ZCCHC7: variants seen among roughly 807,000 people sequenced by gnomAD.
ZCCHC7 encodes zinc finger CCHC-type containing 7.
ZCCHC7 carries 35 observed loss-of-function variants against 52.0 expected under a neutral mutation model. The observed-to-expected ratio is 0.67, with a 90% CI of 0.51 to 0.89. The LOEUF (loss-of-function observed/expected upper bound fraction) is 0.89, where lower values mean the gene tolerates loss of function less well. ZCCHC7 is among the 40% of genes least tolerant of loss of function. The probability of loss-of-function intolerance (pLI) is 0.00; values close to 1 mark genes in which losing one functional copy is unlikely to be tolerated. For synonymous variants in ZCCHC7, 217 were observed against 221.5 expected (o/e 0.98, Z 0.18); for missense variants, 574 against 649.1 (o/e 0.88, Z 1.26).
intron 2 of ZCCHC7, among the ~76,000 whole-genome samples, chr9:37,294,487 T>C (rs1828688409): frequency 6.6e-6 from 1 of 152,210 alleles, no homozygotes; most frequent in African/African-American, 2.4e-5. Context: ...GTGGATTCTG[T>C]TTCTACCACA....
At position 37,171,786 on chromosome 9, in the gene ZCCHC7, C is replaced by T. The variant is rs1276242217; in HGVS notation, c.610+44844C>T. 2.1e-4 allele frequency among the ~76,000 whole-genome samples: 32 copies of T among 152,136 alleles called. 1 individual carries two copies. The highest frequency in any genetic ancestry group is 2.1e-3 in the Admixed American group (32 of 15,268). ...GACCTTGAGTTCTACAAACTAGTTA[C>T]TAATAAAATTCCAAGACCTTAGCTT... On this transcript the variant is annotated intron_variant, in intron 2 of 8. Transcript: ENST00000336755.
chr9:37,342,401 G>A (rs565681610), intron 6 of ZCCHC7, among the ~76,000 whole-genome samples: 1 of 152,356 alleles, frequency 6.6e-6, no homozygotes, highest in East Asian at 1.9e-4. Context: ...AGATACGTGA[G>A]TGTAGAGTTA....
intron 2 of ZCCHC7, among the ~76,000 whole-genome samples, chr9:37,285,375 A>G (rs1828157844): frequency 6.6e-6 from 1 of 152,040 alleles, no homozygotes; most frequent in Non-Finnish European, 1.5e-5. Context: ...TTATCTTGAG[A>G]TGGTATTTTC....
intron 2 of ZCCHC7, among the ~76,000 whole-genome samples, chr9:37,255,405 A>T (rs1207798222): frequency 6.6e-6 from 1 of 152,134 alleles, no homozygotes; most frequent in Non-Finnish European, 1.5e-5. Flanking sequence ...ACAGGTAGAT[A>T]AGGTATATAG....
At chr9:37,179,085 A>G (rs1475817826) in intron 2 of ZCCHC7, among the ~76,000 whole-genome samples, 2 of 152,214 alleles carry the variant, frequency 1.3e-5, no homozygotes, top group Non-Finnish European at 2.9e-5. Flanking sequence ...GATCTTCAAA[A>G]TAACCAGGCA....
intron 6 of ZCCHC7, among the ~76,000 whole-genome samples, chr9:37,332,594 C>T (rs1027211035): frequency 6.6e-6 from 1 of 151,070 alleles, no homozygotes; most frequent in Non-Finnish European, 1.5e-5. Flanking sequence ...ATGATAATTA[C>T]TACATTTACA....
intron 2 of ZCCHC7, among the ~76,000 whole-genome samples, chr9:37,226,801 C>T (rs1001633860): frequency 6.6e-6 from 1 of 152,024 alleles, no homozygotes; most frequent in Non-Finnish European, 1.5e-5. Flanking sequence ...GACACCGAGG[C>T]GGGTGGATCA....
At chr9:37,350,676 G>T (rs1391920356) in intron 7 of ZCCHC7, among the ~76,000 whole-genome samples, 1 of 152,224 alleles carries the variant, frequency 6.6e-6, no homozygotes, top group Non-Finnish European at 1.5e-5. Flanking sequence ...GAAGCTTCTT[G>T]CTGAGAGCTG....
At position 37,171,659 on chromosome 9, in the gene ZCCHC7, A is replaced by G. The variant is rs188306209; in HGVS notation, c.610+44717A>G. Among the ~76,000 whole-genome samples, 311 of 151,994 alleles carry G rather than the reference A, an allele frequency of 2.0e-3. 1 individual carries two copies. The highest frequency in any genetic ancestry group is 6.9e-3 in the African/African-American group (286 of 41,460). On this transcript the variant is annotated intron_variant, in intron 2 of 8. Transcript: ENST00000336755. ...GGTCTCTAACTCCTAGGCTCAGGCA[A>G]TCCTCCCTCAGCCTCCCATATTTGA...
At chr9:37,189,401 G>T (rs571108781) in intron 2 of ZCCHC7, among the ~76,000 whole-genome samples, 2 of 151,850 alleles carry the variant, frequency 1.3e-5, no homozygotes, top group African/African-American at 4.8e-5. Flanking sequence ...CTTTTCCCCC[G>T]CTGAGACTGA....
At chr9:37,130,364 T>TTA (rs1554698142) in intron 2 of ZCCHC7, among the ~76,000 whole-genome samples, 6 of 131,736 alleles carry the variant, frequency 4.6e-5, no homozygotes, top group Admixed American at 1.6e-4. Flanking sequence ...TTTTTTTTTT[T>TTA]ATAGCAGTGG....
At chr9:37,352,615 T>A (rs1365476064) in intron 7 of ZCCHC7, among the ~76,000 whole-genome samples, 1 of 146,690 alleles carries the variant, frequency 6.8e-6, no homozygotes, top group Non-Finnish European at 1.5e-5. Flanking sequence ...ACCTCCTAGG[T>A]TCAAGCTATT....
chr9:37,295,622 C>T (rs1386905541), intron 2 of ZCCHC7, among the ~76,000 whole-genome samples: 2 of 152,024 alleles, frequency 1.3e-5, no homozygotes, highest in African/African-American at 2.4e-5. Flanking sequence ...TGAGAGAGAA[C>T]CTGAGTTGAG....
At chr9:37,212,840 C>T (rs1030504842) in intron 2 of ZCCHC7, among the ~76,000 whole-genome samples, 1 of 152,138 alleles carries the variant, frequency 6.6e-6, no homozygotes, top group African/African-American at 2.4e-5. Context: ...TATCTTTCTC[C>T]ATGCTTGTCC....
At chr9:37,143,973 T>C (rs1843334263) in intron 2 of ZCCHC7, among the ~76,000 whole-genome samples, 1 of 151,878 alleles carries the variant, frequency 6.6e-6, no homozygotes, top group Non-Finnish European at 1.5e-5. Flanking sequence ...ATCCTTGGTG[T>C]GTAATAATTT....
rs1490718963 is a variant in ZCCHC7, at chr9:37,202,472, A to G, written c.610+75530A>G. ...TTACTTTTAACCTTAAATCATGGCT[A>G]TTTAAATACACATGTATTATCTCTG... On this transcript the variant is annotated intron_variant, in intron 2 of 8. Transcript: ENST00000336755. Among the ~76,000 whole-genome samples, 3 of 152,218 alleles carry G rather than the reference A, an allele frequency of 2.0e-5. No homozygotes were observed. The East Asian group carries it at 5.8e-4, about 29-fold the overall frequency.
At chr9:37,306,690 C>T (rs190578282) in intron 5 of ZCCHC7, among the ~76,000 whole-genome samples, 1 of 144,236 alleles carries the variant, frequency 6.9e-6, no homozygotes, top group South Asian at 2.2e-4. Flanking sequence ...GTCTCGATCT[C>T]CTGACCTCAT....
chr9:37,157,750 A>G (rs1461726418), intron 2 of ZCCHC7, among the ~76,000 whole-genome samples: 2 of 152,224 alleles, frequency 1.3e-5, no homozygotes, highest in Non-Finnish European at 2.9e-5. Context: ...ATCACCTCAC[A>G]CCTGTTGTTA....
chr9:37,349,196 A>G (rs1821208559), intron 6 of ZCCHC7, among the ~76,000 whole-genome samples, 161 bp from the exon 7 acceptor site: 2 of 152,250 alleles, frequency 1.3e-5, no homozygotes, highest in African/African-American at 4.8e-5. Context: ...TGTTCTTACC[A>G]TGTTATATAC....
Sources: gnomAD v4.1 joint callset for allele counts (sites outside exome capture counted in the v4.1 genomes callset) on GRCh38, gnomAD v4.1.1 for gene constraint, MANE v1.5 for transcripts, NCBI Gene and HGNC (gene_info 2026-07-23, HGNC 2026-07-21) for gene names.